PRKCH: variants seen among roughly 807,000 people sequenced by gnomAD.
PRKCH encodes protein kinase C eta type.
A neutral mutation model predicts 82.5 loss-of-function variants in PRKCH; 28 were observed. The ratio of observed to expected loss-of-function variants is 0.34; its 90% confidence interval spans 0.25 to 0.47. PRKCH has a LOEUF of 0.47. Among genes scored for constraint, PRKCH ranks in the 20% least tolerant of loss-of-function variants. The probability of loss-of-function intolerance (pLI) is 1.00; values close to 1 mark genes in which losing one functional copy is unlikely to be tolerated. For synonymous variants in PRKCH, 322 were observed against 327.4 expected (o/e 0.98, Z 0.18); for missense variants, 705 against 881.8 (o/e 0.80, Z 2.54).
intron 1 of PRKCH, among the ~76,000 whole-genome samples, chr14:61,215,197 G>T (rs1037984399): frequency 6.6e-6 from 1 of 152,138 alleles, no homozygotes; most frequent in Non-Finnish European, 1.5e-5. Flanking sequence ...TGTTGTGAAG[G>T]TCTTTTTTTT....
intron 6 of PRKCH, among the ~76,000 whole-genome samples, chr14:61,451,284 T>G (rs1266338595): frequency 6.6e-6 from 1 of 152,036 alleles, no homozygotes; most frequent in Non-Finnish European, 1.5e-5. Context: ...GGGATCTTAG[T>G]CAGAAATGGA....
chr14:61,488,764 A>G (rs1886334353), intron 10 of PRKCH, among the ~76,000 whole-genome samples: 1 of 152,146 alleles, frequency 6.6e-6, no homozygotes, highest in African/African-American at 2.4e-5. Flanking sequence ...TACTTGTCTC[A>G]TTTGTCTCAA....
chr14:61,502,731 A>G (rs1886971551), intron 10 of PRKCH, among the ~76,000 whole-genome samples: 1 of 152,164 alleles, frequency 6.6e-6, no homozygotes, highest in Admixed American at 6.5e-5. Context: ...CCTGCCCTCT[A>G]AGAACAGATG....
chr14:61,250,770 G>C (rs1030127458), intron 1 of PRKCH, among the ~76,000 whole-genome samples: 2 of 152,140 alleles, frequency 1.3e-5, no homozygotes, highest in Non-Finnish European at 1.5e-5. Context: ...TTCATCGATT[G>C]TAACAAATGT....
At chr14:61,368,235 C>G (rs2046322017) in intron 1 of PRKCH, among the ~76,000 whole-genome samples, 1 of 151,938 alleles carries the variant, frequency 6.6e-6, no homozygotes, top group Non-Finnish European at 1.5e-5. Flanking sequence ...GTTCCAACAT[C>G]TGCTGTAGAT....
At chr14:61,298,086 C>A (rs1038153780) in intron 1 of PRKCH, 6 of 152,318 alleles carry the variant, frequency 3.9e-5, no homozygotes, top group Non-Finnish European at 5.9e-5. Flanking sequence ...CACCAACAAT[C>A]TCTTTGTTCC....
intron 12 of PRKCH, among the ~76,000 whole-genome samples, chr14:61,540,250 A>G (rs1464940615): frequency 6.6e-6 from 1 of 152,244 alleles, no homozygotes; most frequent in Non-Finnish European, 1.5e-5. Flanking sequence ...AGAATGTCAC[A>G]TGAGCCAGCA....
At chr14:61,349,696 A>G (rs1216034811) in intron 1 of PRKCH, among the ~76,000 whole-genome samples, 1 of 152,040 alleles carries the variant, frequency 6.6e-6, no homozygotes, top group Non-Finnish European at 1.5e-5. Context: ...CCCTGTCTCT[A>G]CTAAAAATAC....
chr14:61,209,418 G>A (rs190824261), intron 1 of PRKCH, among the ~76,000 whole-genome samples: 3 of 151,346 alleles, frequency 2.0e-5, no homozygotes, highest in African/African-American at 4.9e-5. Context: ...CTTCCAGAAC[G>A]GTAAGAAATA....
chr14:61,257,631 C>CACACACACACACA (rs2045010075), intron 1 of PRKCH, among the ~76,000 whole-genome samples: 2 of 42,194 alleles, frequency 4.7e-5, no homozygotes, highest in African/African-American at 1.7e-4. Context: ...ACACACACAC[C>CACACACACACACA]CCCACACACA....
chr14:61,519,915 T>G (rs1382528479), intron 10 of PRKCH, among the ~76,000 whole-genome samples: 1 of 152,056 alleles, frequency 6.6e-6, no homozygotes, highest in Non-Finnish European at 1.5e-5. Context: ...AGTTCAATTC[T>G]AAGTCTACAA....
chr14:61,362,174 G>T (rs1199078328), intron 1 of PRKCH, among the ~76,000 whole-genome samples: 13 of 151,886 alleles, frequency 8.6e-5, no homozygotes, highest in Admixed American at 8.5e-4. Flanking sequence ...TCATCTCTAT[G>T]TTTTTATGTT....
intron 9 of PRKCH, among the ~76,000 whole-genome samples, chr14:61,475,193 T>G (rs1022086547): frequency 6.6e-6 from 1 of 152,212 alleles, no homozygotes; most frequent in Non-Finnish European, 1.5e-5. Flanking sequence ...ACAAACTAAG[T>G]CCATAAATAT....
intron 1 of PRKCH, among the ~76,000 whole-genome samples, chr14:61,225,716 A>T (rs2044691714): frequency 6.6e-6 from 1 of 151,722 alleles, no homozygotes; most frequent in Non-Finnish European, 1.5e-5. Context: ...CTGATGAAAG[A>T]GTATAAACAT....
intron 1 of PRKCH, among the ~76,000 whole-genome samples, chr14:61,190,816 TCCCACTACCTGATCTAAAGTAGCAC>T (rs762166416): frequency 2.6e-5 from 4 of 152,164 alleles, no homozygotes; most frequent in Non-Finnish European, 5.9e-5. Flanking sequence ...AGAGATGCCA[TCCCACTACCTGATCTAAAGTAGCAC>T]CCACACCCCA....
At chr14:61,506,962 A>C (rs1237171046) in intron 10 of PRKCH, among the ~76,000 whole-genome samples, 1 of 152,180 alleles carries the variant, frequency 6.6e-6, no homozygotes, top group Non-Finnish European at 1.5e-5. Flanking sequence ...TCAAACTAAA[A>C]AGCTGCTGCA....
chr14:61,204,763 G>GAAAAAA (rs67978354), intron 1 of PRKCH, among the ~76,000 whole-genome samples: 1 of 106,172 alleles, frequency 9.4e-6, no homozygotes, highest in Admixed American at 9.0e-5. Flanking sequence ...CCTTTCTCAA[G>GAAAAAA]AAAAAAAAAA....
chr14:61,544,066 C>T (rs1227295262), intron 12 of PRKCH: 1 of 152,328 alleles, frequency 6.6e-6, no homozygotes, highest in African/African-American at 2.4e-5. Context: ...GTCCTGGTTT[C>T]TGTTTCATGG....
intron 1 of PRKCH, among the ~76,000 whole-genome samples, chr14:61,312,285 T>G (rs896486989): frequency 6.6e-6 from 1 of 152,224 alleles, no homozygotes; most frequent in Non-Finnish European, 1.5e-5. Context: ...TACAGGCATG[T>G]GCCACCATGC....
Sources: allele counts gnomAD v4.1 joint callset (sites outside exome capture counted in the v4.1 genomes callset), GRCh38; gene constraint gnomAD v4.1.1; transcripts MANE v1.5; gene names NCBI Gene and HGNC (gene_info 2026-07-23, HGNC 2026-07-21).